The following MNS1 variants were observed in gnomAD, a reference collection of about 807,000 sequenced individuals.
MNS1 encodes the protein meiosis-specific nuclear structural protein 1.
A neutral mutation model predicts 72.0 loss-of-function variants in MNS1; 63 were observed. The ratio of observed to expected loss-of-function variants is 0.87; its 90% CI spans 0.71 to 1.08. The LOEUF is 1.08. Among genes scored for constraint, MNS1 ranks in the 50% least tolerant of loss-of-function variants. The probability of loss-of-function intolerance (pLI) is 0.00; values close to 1 mark genes in which losing one functional copy is unlikely to be tolerated. For missense variants in MNS1, 604 were observed against 562.4 expected (o/e 1.07, Z -0.75); for synonymous variants, 188 against 172.1 (o/e 1.09, Z -0.72).
intron 3 of MNS1, among the ~76,000 whole-genome samples, chr15:56,453,089 G>A (rs763021066): frequency 2.4e-4 from 36 of 151,936 alleles, no homozygotes; most frequent in Admixed American, 2.0e-4. Flanking sequence ...ATGTTTCTTT[G>A]TTTCCAGGTG....
intron 2 of MNS1, among the ~76,000 whole-genome samples, chr15:56,460,919 A>G (rs1432775233): frequency 6.6e-6 from 1 of 152,190 alleles, no homozygotes; most frequent in Non-Finnish European, 1.5e-5. Flanking sequence ...CTGCAAGGTG[A>G]GCTGGCAAGC....
In MNS1 at chr15:56,432,379, G is replaced by A. The variant is rs551133641; in HGVS notation, c.1270-881C>T. Among the ~76,000 whole-genome samples the A allele has an allele frequency of 1.2e-4, 19 of 152,280 alleles. No homozygotes were observed. The South Asian group carries it at 3.7e-3, about 30-fold the overall frequency. On this transcript the variant is annotated intron_variant, in intron 8 of 9. Transcript: ENST00000260453. ...TCCTGGGAAGTTTCAGATTTTGTCT[G>A]ACCGTATGATTTTCGTAGAGGTAGA...
chr15:56,429,543 T>C (rs952490832), intron 9 of MNS1: 1 of 160,662 alleles, frequency 6.2e-6, no homozygotes, highest in African/African-American at 2.4e-5. Flanking sequence ...TAATATGATA[T>C]AATGGTGAGC....
At chr15:56,455,707 G>C (rs2050977561) in intron 3 of MNS1, among the ~76,000 whole-genome samples, 1 of 152,152 alleles carries the variant, frequency 6.6e-6, no homozygotes, top group Admixed American at 6.5e-5. Context: ...GTCATCTGGA[G>C]TATCTGGCAG....
At chr15:56,463,940 T>C (rs2051040200) in intron 2 of MNS1, 86 bp downstream of exon 2, 4 of 1,062,400 alleles carry the variant, frequency 3.8e-6, no homozygotes, top group Non-Finnish European at 5.5e-6. Flanking sequence ...GTTGTTTATC[T>C]ACTCATTTCC....
At chr15:56,451,127 C>T (rs568469052) in intron 3 of MNS1, among the ~76,000 whole-genome samples, 2 of 152,078 alleles carry the variant, frequency 1.3e-5, no homozygotes, top group South Asian at 2.1e-4. Flanking sequence ...ATATTAAATC[C>T]TTATCAGAGA....
At chr15:56,449,912 A>C (rs1309873844) in intron 3 of MNS1, among the ~76,000 whole-genome samples, 2 of 152,164 alleles carry the variant, frequency 1.3e-5, no homozygotes, top group African/African-American at 2.4e-5. Flanking sequence ...TATCCATTCC[A>C]AAAACTGGTT....
chr15:56,445,734 C>A (rs1242232525), intron 4 of MNS1: 2 of 152,006 alleles, frequency 1.3e-5, no homozygotes, highest in African/African-American at 4.8e-5. Context: ...TAGTCAAGTC[C>A]TAGTAGTATT....
intron 7 of MNS1, among the ~76,000 whole-genome samples, chr15:56,442,696 C>T (rs562513602): frequency 1.2e-4 from 18 of 152,184 alleles, no homozygotes; most frequent in South Asian, 4.1e-4. Flanking sequence ...ATTGAGTACA[C>T]GTGGACACAA....
At position 56,446,827 on chromosome 15, in the gene MNS1, A is replaced by G. The variant is rs775180618; in HGVS notation, c.456+14T>C. On this transcript the variant is annotated intron_variant, in intron 4 of 9. Transcript: ENST00000260453. The stretch of plus-strand genomic sequence containing the variant: ...AAATGAAGCTAAAAACATAATGACC[A>G]GAAACATGATTACCATTTGTTCATA... 5 of 1,568,472 alleles carry G rather than the reference A, an allele frequency of 3.2e-6. No individual in the cohort carries two copies. The highest frequency in any genetic ancestry group is 4.4e-6 in the Non-Finnish European group (5 of 1,144,548).
intron 5 of MNS1, 43 bp downstream of exon 5, chr15:56,444,400 TA>T: frequency 6.5e-7 from 1 of 1,527,498 alleles, no homozygotes. Context: ...GTGATATATC[TA>T]AAGTAAACAT....
At chr15:56,437,493 A>G (rs1441452884) in intron 7 of MNS1, among the ~76,000 whole-genome samples, 2 of 152,142 alleles carry the variant, frequency 1.3e-5, no homozygotes, top group African/African-American at 2.4e-5. Context: ...TTTATGACAA[A>G]CCCACAGCCA....
intron 8 of MNS1, 140 bp from the exon 9 acceptor site, chr15:56,431,638 T>C (rs1251282251): frequency 1.0e-5 from 6 of 596,638 alleles, no homozygotes; most frequent in East Asian, 3.8e-5. Flanking sequence ...CTAGATAATA[T>C]ATATTTTTAA....
At chr15:56,441,947 G>C (rs1436545444) in intron 7 of MNS1, among the ~76,000 whole-genome samples, 2 of 152,014 alleles carry the variant, frequency 1.3e-5, no homozygotes, top group Non-Finnish European at 2.9e-5. Flanking sequence ...GTGAACCCGG[G>C]AGGCATAGCT....
At chr15:56,460,101 A>G (rs2140382249) in intron 2 of MNS1, among the ~76,000 whole-genome samples, 1 of 146,520 alleles carries the variant, frequency 6.8e-6, no homozygotes, top group East Asian at 2.0e-4. Context: ...ACTCCAAAAT[A>G]ATGGGTCATT....
At position 56,428,892 on chromosome 15, in the gene MNS1, C is replaced by T. The variant is rs899898934; in HGVS notation, c.*209G>A. The T allele has an allele frequency of 6.0e-6, 3 of 498,774 alleles. No individual in the cohort carries two copies. Among genetic ancestry groups the T allele is most frequent in the Non-Finnish European group, 7.0e-6 (2 of 286,210 alleles). The allele number at this position is 498,774 out of a possible 1,614,324, so 30.9% of individuals were successfully genotyped here. ...CAGTGCTCTGTAGTGTTGTAGAAATCGGATTTTGAAATTATCAGTACAAAA... is the reference window on the plus strand; with the variant it reads ...CAGTGCTCTGTAGTGTTGTAGAAATTGGATTTTGAAATTATCAGTACAAAA... On this transcript the variant is annotated 3_prime_UTR_variant, in exon 10 of 10. Coordinates refer to ENST00000260453, the MANE Select transcript of MNS1 (RefSeq NM_018365.4).
intron 2 of MNS1, 194 bp downstream of exon 2, chr15:56,463,832 T>C (rs2051039315): frequency 3.5e-6 from 2 of 568,912 alleles, no homozygotes; most frequent in Admixed American, 3.5e-5. Context: ...AGCTAAGGTA[T>C]AGCAGTAGTA....
intron 3 of MNS1, chr15:56,447,189 A>G (rs2050912032): frequency 3.2e-6 from 1 of 315,604 alleles, no homozygotes; most frequent in Non-Finnish European, 5.9e-6. Flanking sequence ...TCCTGTGTCA[A>G]TACCACACTA....
chr15:56,448,890 A>T (rs2050927802), intron 3 of MNS1, among the ~76,000 whole-genome samples: 1 of 151,394 alleles, frequency 6.6e-6, no homozygotes, highest in Non-Finnish European at 1.5e-5. Flanking sequence ...GGTAGCTGGG[A>T]CTACAGGTGT....
Sources: gnomAD v4.1 joint callset for allele counts (sites outside exome capture counted in the v4.1 genomes callset) on GRCh38, gnomAD v4.1.1 for gene constraint, MANE v1.5 for transcripts, NCBI Gene and HGNC (gene_info 2026-07-23, HGNC 2026-07-21) for gene names.